NAPEPLD: variants seen among roughly 807,000 people sequenced by gnomAD.
NAPEPLD encodes the protein N-acyl phosphatidylethanolamine phospholipase D.
Under a neutral mutation model 38.1 loss-of-function variants are expected in NAPEPLD, and 23 were observed. The observed-to-expected ratio is 0.60, with a 90% CI of 0.43 to 0.86. The LOEUF is 0.86. NAPEPLD is among the 40% of genes least tolerant of loss of function. The pLI, the probability that NAPEPLD is intolerant of heterozygous loss-of-function variation, is 0.00. For missense variants in NAPEPLD, 411 were observed against 476.8 expected, an observed-to-expected ratio of 0.86 and a Z score of 1.28; for synonymous variants, 147 against 162.0, an observed-to-expected ratio of 0.91 and a Z score of 0.71.
At chr7:103,105,239 A>G (rs1803069177) in intron 4 of NAPEPLD, among the ~76,000 whole-genome samples, 1 of 152,152 alleles carries the variant, frequency 6.6e-6, no homozygotes, top group Non-Finnish European at 1.5e-5. Context: ...ACTACATATA[A>G]AGCAAAACAG....
chr7:103,105,685 C>T (rs555412970), intron 4 of NAPEPLD, among the ~76,000 whole-genome samples: 1 of 152,132 alleles, frequency 6.6e-6, no homozygotes, highest in African/African-American at 2.4e-5. Context: ...CAGTGGCTCA[C>T]GCCAGTTAAG....
chr7:103,129,221 C>T (rs748842720), intron 1 of NAPEPLD: 23 of 749,432 alleles, frequency 3.1e-5, no homozygotes, highest in Non-Finnish European at 3.6e-5. Context: ...GCTGAGATCA[C>T]GCCATTGCAC....
chr7:103,101,525 C>T lies in NAPEPLD; in HGVS notation c.*1904G>A, dbSNP rs900491665. On this transcript the variant is annotated 3_prime_UTR_variant, in exon 5 of 5. Transcript: ENST00000465647. ...ACAATACATTATCAAAAGCATTAAC[C>T]TGTATTTAGCTTTCAAATATACCTG... 2.6e-5 allele frequency: 4 copies of T among 152,564 alleles called. No homozygotes were observed. Among genetic ancestry groups the T allele is most frequent in the African/African-American group, 9.7e-5 (4 of 41,438 alleles). The allele number at this position is 152,564 out of a possible 1,614,324, so 9.5% of individuals were successfully genotyped here. A position where few individuals can be genotyped will look rare whatever the true frequency, so the allele number is the denominator to read the frequency against.
chr7:103,119,276 G>T (rs748944796), intron 3 of NAPEPLD, among the ~76,000 whole-genome samples: 10 of 152,014 alleles, frequency 6.6e-5, no homozygotes, highest in Non-Finnish European at 1.5e-4. Context: ...AAAAACATAA[G>T]TATGTGAGAT....
chr7:103,129,488 T>A (rs911008111), intron 1 of NAPEPLD, among the ~76,000 whole-genome samples: 2 of 152,230 alleles, frequency 1.3e-5, no homozygotes, highest in Non-Finnish European at 2.9e-5. Flanking sequence ...TAGTAAGGAC[T>A]GCTTCAGTTC....
chr7:103,105,816 C>T (rs1337839351), intron 4 of NAPEPLD, among the ~76,000 whole-genome samples: 1 of 151,900 alleles, frequency 6.6e-6, no homozygotes, highest in African/African-American at 2.4e-5. Flanking sequence ...ACCTGTAATC[C>T]CAGCTACTTG....
chr7:103,149,544 C>T, upstream of NAPEPLD: 1 of 1,218,908 alleles, frequency 8.2e-7, no homozygotes, highest in Non-Finnish European at 1.1e-6. Context: ...ACAGCAGGGC[C>T]AGCGGTGGCC....
chr7:103,112,604 G>C (rs978760235), intron 4 of NAPEPLD, among the ~76,000 whole-genome samples: 2 of 152,194 alleles, frequency 1.3e-5, no homozygotes, highest in African/African-American at 4.8e-5. Context: ...GGCCTGTCAG[G>C]GGGTGGGGGG....
intron 3 of NAPEPLD, 42 bp downstream of exon 3, chr7:103,119,535 T>C (rs765539413): frequency 6.4e-7 from 1 of 1,551,978 alleles, no homozygotes. Context: ...ATTCAGTTAA[T>C]TTATCACATA....
chr7:103,145,100 A>G (rs2129537402), intron 1 of NAPEPLD, among the ~76,000 whole-genome samples: 1 of 152,338 alleles, frequency 6.6e-6, no homozygotes, highest in East Asian at 1.9e-4. Flanking sequence ...TGACCATATA[A>G]ATGCATAGTC....
At chr7:103,128,460 C>T (rs750903641) in intron 2 of NAPEPLD, 23 bp downstream of exon 2, 1 of 1,610,988 alleles carries the variant, frequency 6.2e-7, no homozygotes, top group South Asian at 1.1e-5. Flanking sequence ...AAATATAAAG[C>T]ACTCAAAAAA....
At chr7:103,106,157 C>T (rs969857395) in intron 4 of NAPEPLD, among the ~76,000 whole-genome samples, 6 of 152,008 alleles carry the variant, frequency 3.9e-5, no homozygotes, top group Admixed American at 1.3e-4. Context: ...GAATTCTCTC[C>T]CCTACCCAAG....
In NAPEPLD at chr7:103,121,173, C is replaced by T. The variant is rs535678186; in HGVS notation, c.295-950G>A. On this transcript the variant is annotated intron_variant, in intron 2 of 4. Coordinates refer to ENST00000465647, the MANE Select transcript of NAPEPLD (RefSeq NM_001122838.3). ...ATCCCTTCCTGTGAGAAGCTGATCA[C>T]TGAGATAAGGGGGGCCGTAAATGGA... Among the ~76,000 whole-genome samples the T allele has an allele frequency of 1.4e-4, 22 of 152,254 alleles. No individual in the cohort carries two copies. The South Asian group carries it at 4.6e-3, about 32-fold the overall frequency.
intron 4 of NAPEPLD, among the ~76,000 whole-genome samples, chr7:103,113,779 T>G (rs560336447): frequency 6.7e-6 from 1 of 150,126 alleles, no homozygotes; most frequent in Non-Finnish European, 1.5e-5. Context: ...TATAGGCGCC[T>G]GCCACCACGC....
chr7:103,124,114 A>C (rs1425161787), intron 2 of NAPEPLD, among the ~76,000 whole-genome samples: 2 of 152,102 alleles, frequency 1.3e-5, no homozygotes, highest in Non-Finnish European at 2.9e-5. Context: ...CCAGCAGGGC[A>C]ACATAGTGAG....
intron 1 of NAPEPLD, among the ~76,000 whole-genome samples, chr7:103,130,197 C>T (rs1808638606): frequency 6.6e-6 from 1 of 152,072 alleles, no homozygotes; most frequent in African/African-American, 2.4e-5. Context: ...AGAAATACTG[C>T]CCCAGAAAGA....
intron 1 of NAPEPLD, among the ~76,000 whole-genome samples, chr7:103,147,425 A>G (rs931637809): frequency 6.6e-6 from 1 of 152,248 alleles, no homozygotes; most frequent in African/African-American, 2.4e-5. Context: ...TCTTATTTAC[A>G]AAGTGTAGAA....
chr7:103,103,618 T>C, intron 4 of NAPEPLD, 64 bp from the exon 5 acceptor site: 7 of 1,516,668 alleles, frequency 4.6e-6, no homozygotes, highest in Non-Finnish European at 6.1e-6. Context: ...ATTTTCCAAA[T>C]AACAGTTCAA....
At chr7:103,124,184 C>A (rs1807274953) in intron 2 of NAPEPLD, among the ~76,000 whole-genome samples, 1 of 151,964 alleles carries the variant, frequency 6.6e-6, no homozygotes, top group Non-Finnish European at 1.5e-5. Context: ...ATAGACCAGG[C>A]ACAGTGGCTC....
Sources: allele counts gnomAD v4.1 joint callset (sites outside exome capture counted in the v4.1 genomes callset), GRCh38; gene constraint gnomAD v4.1.1; transcripts MANE v1.5; gene names NCBI Gene and HGNC (gene_info 2026-07-23, HGNC 2026-07-21).